The following DENND1B variants were observed in gnomAD, a reference collection of about 807,000 sequenced individuals.
DENND1B encodes the protein DENN domain-containing protein 1B.
A neutral mutation model predicts 90.1 loss-of-function variants in DENND1B; 59 were observed. The observed-to-expected ratio is 0.65, with a 90% CI of 0.53 to 0.81. The LOEUF is 0.81. DENND1B is among the 40% of genes least tolerant of loss of function. DENND1B has a pLI of 0.00. For synonymous variants in DENND1B, 337 were observed against 324.6 expected, an observed-to-expected ratio of 1.04 and a Z score of -0.41; for missense variants, 862 against 912.6, an observed-to-expected ratio of 0.94 and a Z score of 0.71.
intron 10 of DENND1B, among the ~76,000 whole-genome samples, chr1:197,626,253 A>C (rs987853345): frequency 3.9e-5 from 6 of 152,140 alleles, no homozygotes; most frequent in African/African-American, 1.4e-4. Context: ...CTATTCCAAA[A>C]TTGACCACAT....
intron 22 of DENND1B, among the ~76,000 whole-genome samples, chr1:197,511,370 T>C (rs1668016195): frequency 6.6e-6 from 1 of 151,786 alleles, no homozygotes; most frequent in African/African-American, 2.4e-5. Context: ...AATGAATACA[T>C]TTACTGAAGT....
chr1:197,558,709 C>G (rs1365424951), intron 15 of DENND1B, among the ~76,000 whole-genome samples: 1 of 151,844 alleles, frequency 6.6e-6, no homozygotes, highest in Non-Finnish European at 1.5e-5. Flanking sequence ...TAAATATTTT[C>G]AAGCAGCAAA....
chr1:197,773,177 T>A, intron 1 of DENND1B: 1 of 508,590 alleles, frequency 2.0e-6, no homozygotes, highest in South Asian at 2.1e-5. Flanking sequence ...CTCCCTTACC[T>A]ATGAGGTGCC....
In DENND1B at chr1:197,611,644, A is replaced by T. The variant is rs971329385; in HGVS notation, c.819+287T>A. Among the ~76,000 whole-genome samples, 14 of 150,822 alleles carry T rather than the reference A, an allele frequency of 9.3e-5. No individual in the cohort carries two copies. In the South Asian group the frequency reaches 1.0e-3, roughly 11 times the overall value. ...AATGATCTCAAGTTGCCATAAAAAA[A>T]GGCAACTGATCAAGGACTGAAGTTT... On this transcript the variant is annotated intron_variant, in intron 12 of 22. Coordinates refer to ENST00000620048, the MANE Select transcript of DENND1B (RefSeq NM_001195215.2).
intron 20 of DENND1B, among the ~76,000 whole-genome samples, chr1:197,534,953 A>G (rs1284055240): frequency 6.6e-6 from 1 of 152,182 alleles, no homozygotes; most frequent in Non-Finnish European, 1.5e-5. Context: ...CTTCCATAAC[A>G]TACTGTATCA....
intron 15 of DENND1B, among the ~76,000 whole-genome samples, chr1:197,567,231 A>C (rs1672753453): frequency 6.6e-6 from 1 of 152,150 alleles, no homozygotes; most frequent in African/African-American, 2.4e-5. Flanking sequence ...GTCTACTATA[A>C]TCAACAATTA....
chr1:197,781,101 A>C, the DENND1B span, among the ~76,000 whole-genome samples: 1 of 152,218 alleles, frequency 6.6e-6, no homozygotes, highest in Non-Finnish European at 1.5e-5. Flanking sequence ...CTGAATGCGA[A>C]ATAATAAACA....
At chr1:197,617,986 T>C (rs1045967969) in intron 10 of DENND1B, among the ~76,000 whole-genome samples, 10 of 151,178 alleles carry the variant, frequency 6.6e-5, no homozygotes, top group East Asian at 1.9e-4. Context: ...TAGATAGTTA[T>C]AATCATCTGA....
intron 7 of DENND1B, 53 bp from the exon 8 acceptor site, chr1:197,647,167 T>C: frequency 7.9e-7 from 1 of 1,271,752 alleles, no homozygotes; most frequent in Non-Finnish European, 1.0e-6. Context: ...GGGAGAAGCT[T>C]ACACAACAAT....
chr1:197,516,728 C>G (rs1014667681), intron 20 of DENND1B, among the ~76,000 whole-genome samples: 2 of 151,664 alleles, frequency 1.3e-5, no homozygotes, highest in African/African-American at 4.8e-5. Flanking sequence ...GGTGCCAATA[C>G]CCAGCCAGTA....
chr1:197,635,012 C>CAAGG (rs201896777), intron 10 of DENND1B, among the ~76,000 whole-genome samples: 201 of 150,246 alleles, frequency 1.3e-3, no homozygotes, highest in Middle Eastern at 6.9e-3. Context: ...AGGAAGGAAG[C>CAAGG]AAGGAAGGAA....
intron 14 of DENND1B, among the ~76,000 whole-genome samples, chr1:197,592,857 A>T (rs1352059020): frequency 6.6e-6 from 1 of 152,164 alleles, no homozygotes; most frequent in Admixed American, 6.5e-5. Context: ...AACAATCATA[A>T]AATTTTAAAA....
chr1:197,626,050 T>TA (rs1452146718), intron 10 of DENND1B, among the ~76,000 whole-genome samples: 1 of 152,026 alleles, frequency 6.6e-6, no homozygotes, highest in Non-Finnish European at 1.5e-5. Context: ...CAAAGAGACT[T>TA]AGATTCCCAC....
At chr1:197,583,124 A>G (rs763598944) in intron 15 of DENND1B, 28 bp downstream of exon 15, 1 of 1,597,002 alleles carries the variant, frequency 6.3e-7, no homozygotes, top group Non-Finnish European at 8.6e-7. Context: ...TTGTCTTACA[A>G]AAGAAAAATG....
chr1:197,558,375 A>C (rs1158490405), intron 15 of DENND1B, among the ~76,000 whole-genome samples: 1 of 151,794 alleles, frequency 6.6e-6, no homozygotes, highest in Non-Finnish European at 1.5e-5. Flanking sequence ...TCTCAAGATC[A>C]ATGACATTAT....
At chr1:197,745,615 AT>A (rs1199139995) in intron 2 of DENND1B, among the ~76,000 whole-genome samples, 27 of 119,334 alleles carry the variant, frequency 2.3e-4, no homozygotes, top group African/African-American at 7.1e-4. Flanking sequence ...CCATATATAT[AT>A]TATATATATA....
intron 10 of DENND1B, among the ~76,000 whole-genome samples, chr1:197,619,154 A>C (rs1031432795): frequency 5.3e-5 from 8 of 151,288 alleles, no homozygotes; most frequent in Admixed American, 4.0e-4. Context: ...AAGCTTTAAT[A>C]GGTTATGATA....
At chr1:197,567,081 T>C (rs1270820834) in intron 15 of DENND1B, among the ~76,000 whole-genome samples, 1 of 151,900 alleles carries the variant, frequency 6.6e-6, no homozygotes, top group Non-Finnish European at 1.5e-5. Context: ...AAACTGAACA[T>C]TAGATTCTGA....
intron 3 of DENND1B, among the ~76,000 whole-genome samples, chr1:197,697,618 A>G (rs1025753512): frequency 6.6e-6 from 1 of 151,570 alleles, no homozygotes; most frequent in Non-Finnish European, 1.5e-5. Flanking sequence ...TTAGAAGTAG[A>G]GCCAGAACAC....
Sources: gnomAD v4.1 joint callset for allele counts (sites outside exome capture counted in the v4.1 genomes callset) on GRCh38, gnomAD v4.1.1 for gene constraint, MANE v1.5 for transcripts, NCBI Gene and HGNC (gene_info 2026-07-23, HGNC 2026-07-21) for gene names.